WDR93: variants seen among roughly 807,000 people sequenced by gnomAD.
WDR93 encodes the protein WD repeat domain 93.
In WDR93, 73 loss-of-function variants were observed where a neutral mutation model predicts 82.9. That is an observed-to-expected ratio of 0.88 (90% CI 0.73 to 1.07). The LOEUF (loss-of-function observed/expected upper bound fraction) is 1.07. Among genes scored for constraint, WDR93 ranks in the 50% least tolerant of loss-of-function variants. WDR93 has a pLI of 0.00. For missense variants in WDR93, 738 were observed against 826.0 expected, an observed-to-expected ratio of 0.89 and a Z score of 1.31; for synonymous variants, 283 against 300.1, an observed-to-expected ratio of 0.94 and a Z score of 0.59.
intron 12 of WDR93, 36 bp from the exon 13 acceptor site, chr15:89,732,970 C>T (rs371004829): frequency 2.2e-5 from 36 of 1,604,392 alleles, no homozygotes; most frequent in South Asian, 5.5e-5. Context: ...TCCCCTACCC[C>T]GTTTTCTGAC....
In WDR93 at chr15:89,738,182, C is replaced by G; in HGVS notation, c.1907C>G (p.Ala636Gly). Residue 636 changes from alanine (A) to glycine (G), a missense_variant, in exon 16 of 17, where the codon GCC becomes GGC. By Grantham distance (60) the Ala-to-Gly change is moderately conservative. Transcript: ENST00000268130. ...TIPQRDLDNMAFPQALPLEKR... is the reference protein window; with the variant it reads ...TIPQRDLDNMGFPQALPLEKR... ...CCTCAAAGGGACTTGGATAACATGG[C>G]CTTCCCCCAAGCACTGCCACTGGAG... 11 of 1,614,092 alleles carry G rather than the reference C, an allele frequency of 6.8e-6. No homozygotes were observed. Among genetic ancestry groups the G allele is most frequent in the Non-Finnish European group, 9.3e-6 (11 of 1,179,982 alleles).
intron 5 of WDR93, 25 bp from the exon 6 acceptor site, chr15:89,714,955 A>G (rs369335546): frequency 5.9e-5 from 94 of 1,598,102 alleles, no homozygotes; most frequent in Middle Eastern, 1.7e-4. Flanking sequence ...CAGTTGCTCA[A>G]TGGTTCTCTG....
chr15:89,735,550 C>T lies in WDR93; in HGVS notation c.1605C>T (p.Gly535=), dbSNP rs755375551. Residue 535 remains glycine (G), a synonymous_variant, in exon 14 of 17, where the codon GGC becomes GGT. Coordinates refer to ENST00000268130, the MANE Select transcript of WDR93 (RefSeq NM_020212.2). Reference sequence around the variant, plus strand: ...TGGCCCCAGTCCCAGCCTTACCTGGCATGGTAGGTTCCCCATGCCTCTCTG... The same window carrying T: ...TGGCCCCAGTCCCAGCCTTACCTGGTATGGTAGGTTCCCCATGCCTCTCTG... ...CAVAPVPALP[G]MVLIFSKNGS... The T allele has an allele frequency of 1.2e-6, 2 of 1,614,124 alleles. No individual in the cohort carries two copies. Among genetic ancestry groups the T allele is most frequent in the East Asian group, 2.2e-5 (1 of 44,880 alleles).
chr15:89,701,076 T>C (rs1292101541), intron 1 of WDR93, among the ~76,000 whole-genome samples: 2 of 152,184 alleles, frequency 1.3e-5, no homozygotes, highest in African/African-American at 4.8e-5. Flanking sequence ...AATAAGTATT[T>C]CATTCCTCAA....
At chr15:89,705,705 C>G in intron 4 of WDR93, 87 bp downstream of exon 4, 3 of 914,980 alleles carry the variant, frequency 3.3e-6, no homozygotes, top group Non-Finnish European at 5.3e-6. Flanking sequence ...GATAGCTGGC[C>G]TAGATTAGAA....
intron 10 of WDR93, 65 bp downstream of exon 10, chr15:89,729,158 G>GC: frequency 2.1e-6 from 3 of 1,454,936 alleles, no homozygotes; most frequent in Non-Finnish European, 2.9e-6. Flanking sequence ...CCCTCAGCAA[G>GC]CCCCCACAGA....
At position 89,733,787 on chromosome 15, in the gene WDR93, A is replaced by T. The variant is rs777549228; in HGVS notation, c.1544+568A>T. On this transcript the variant is annotated intron_variant, in intron 13 of 16. Transcript: ENST00000268130. ...ACTTCTCAGCCTCCAGAACTGTAAG[A>T]AATAAATTCCTTTGCTTTATACATT... Among the ~76,000 whole-genome samples the T allele has an allele frequency of 4.3e-4, 66 of 152,254 alleles. 1 individual carries two copies. The highest frequency in any genetic ancestry group is 3.4e-3 in the Middle Eastern group (1 of 294).
intron 8 of WDR93, among the ~76,000 whole-genome samples, chr15:89,725,598 T>TC (rs1002951732): frequency 1.3e-5 from 2 of 151,302 alleles, no homozygotes; most frequent in African/African-American, 4.9e-5. Flanking sequence ...AGACAGGGTC[T>TC]CCCTCTGTCG....
chr15:89,731,578 C>A lies in WDR93; in HGVS notation c.1330+16C>A. On this transcript the variant is annotated intron_variant, in intron 12 of 16. Coordinates refer to ENST00000268130, the MANE Select transcript of WDR93 (RefSeq NM_020212.2). ...CTGGCCAAAGGTAAGTCCTCCCTGC[C>A]TCTCTACCTAGTACCTGGGTGGGAC... 1 of 1,613,752 alleles carries A rather than the reference C, an allele frequency of 6.2e-7. No individual in the cohort carries two copies. Among genetic ancestry groups the A allele is most frequent in the South Asian group, 1.1e-5 (1 of 91,070 alleles).
chr15:89,729,164 A>G, intron 10 of WDR93, 71 bp downstream of exon 10: 1 of 1,412,466 alleles, frequency 7.1e-7, no homozygotes, highest in Non-Finnish European at 1.0e-6. Flanking sequence ...GCAAGCCCCC[A>G]CAGAGATGTT....
At chr15:89,705,034 G>A (rs1965663980) in intron 3 of WDR93, 1 of 161,006 alleles carries the variant, frequency 6.2e-6, no homozygotes, top group Admixed American at 6.4e-5. Context: ...GTTGTATACT[G>A]GAGCCATTAG....
intron 14 of WDR93, among the ~76,000 whole-genome samples, chr15:89,736,068 G>A (rs1395992492): frequency 1.3e-5 from 2 of 152,198 alleles, no homozygotes; most frequent in Non-Finnish European, 2.9e-5. Flanking sequence ...CCTGTACACT[G>A]CGCAGAAGGA....
chr15:89,692,780 A>G (rs1267279345), intron 1 of WDR93, among the ~76,000 whole-genome samples: 1 of 151,856 alleles, frequency 6.6e-6, no homozygotes, highest in South Asian at 2.1e-4. Context: ...CTGATTTTTT[A>G]TATTTTTAGT....
At chr15:89,742,655 TC>T (rs1439136843) in intron 16 of WDR93, among the ~76,000 whole-genome samples, 1 of 152,172 alleles carries the variant, frequency 6.6e-6, no homozygotes, top group Non-Finnish European at 1.5e-5. Context: ...TGCCTCAGCC[TC>T]CTGAGTAGCT....
chr15:89,699,420 CTTT>C (rs1303275598), intron 1 of WDR93, among the ~76,000 whole-genome samples: 1 of 119,834 alleles, frequency 8.3e-6, no homozygotes, highest in African/African-American at 3.3e-5. Context: ...CATGGGATGC[CTTT>C]CTTCTTCTGG....
intron 4 of WDR93, among the ~76,000 whole-genome samples, chr15:89,708,645 T>C (rs1462953028): frequency 6.6e-6 from 1 of 152,208 alleles, no homozygotes; most frequent in Non-Finnish European, 1.5e-5. Flanking sequence ...GAGGTGTATT[T>C]GGACACAGAC....
rs566540973 is a variant in WDR93 at position 89,690,876 on chromosome 15, A to T, written c.-41+19A>T. The T allele has an allele frequency of 2.2e-5, 11 of 489,900 alleles. No individual in the cohort carries two copies. In the South Asian group the frequency reaches 2.8e-4, roughly 13 times the overall value. The allele number at this position is 489,900 out of a possible 1,614,324, so 30.3% of individuals were successfully genotyped here. A position where few individuals can be genotyped will look rare whatever the true frequency, so the allele number is the denominator to read the frequency against. ...CGGCCAGGTGAGCAAAACTGATCTTACCTTTGGATGCCGGGGCTCCCCTCG... is the reference window on the plus strand; with the variant it reads ...CGGCCAGGTGAGCAAAACTGATCTTTCCTTTGGATGCCGGGGCTCCCCTCG... On this transcript the variant is annotated intron_variant, in intron 1 of 16. Coordinates refer to ENST00000268130, the MANE Select transcript of WDR93 (RefSeq NM_020212.2).
intron 15 of WDR93, 103 bp downstream of exon 15, chr15:89,737,832 C>T: frequency 6.6e-7 from 1 of 1,517,230 alleles, no homozygotes. Flanking sequence ...TCTGTGTCCC[C>T]CTCTACCATA....
intron 7 of WDR93, among the ~76,000 whole-genome samples, chr15:89,720,429 T>C (rs560641978): frequency 3.3e-5 from 5 of 152,092 alleles, no homozygotes; most frequent in South Asian, 4.2e-4. Context: ...CATGTCACCA[T>C]GCCCAGCTAA....
Sources: gnomAD v4.1 joint callset for allele counts (sites outside exome capture counted in the v4.1 genomes callset) on GRCh38, gnomAD v4.1.1 for gene constraint, MANE v1.5 for transcripts, NCBI Gene and HGNC (gene_info 2026-07-23, HGNC 2026-07-21) for gene names.